PTPRU: variants seen among roughly 807,000 people sequenced by gnomAD.
PTPRU encodes receptor-type tyrosine-protein phosphatase U.
Under a neutral mutation model 166.3 loss-of-function variants are expected in PTPRU, and 69 were observed. That is an observed-to-expected ratio of 0.41 (90% CI 0.34 to 0.51). The LOEUF (loss-of-function observed/expected upper bound fraction) is 0.51, where lower values mean the gene tolerates loss of function less well. PTPRU is among the 20% of genes least tolerant of loss of function. The pLI, the probability that PTPRU is intolerant of heterozygous loss-of-function variation, is 0.09. For synonymous variants in PTPRU, 793 were observed against 814.0 expected (o/e 0.97, Z 0.44); for missense variants, 1,657 against 2,013.7 (o/e 0.82, Z 3.39).
intron 7 of PTPRU, among the ~76,000 whole-genome samples, chr1:29,264,653 G>A (rs1442921895): frequency 2.0e-5 from 3 of 151,868 alleles, no homozygotes; most frequent in Non-Finnish European, 2.9e-5. Flanking sequence ...TTACAGGCGC[G>A]TGCCACCATG....
At chr1:29,308,906 G>T (rs1489598655) in intron 18 of PTPRU, among the ~76,000 whole-genome samples, 5 of 152,120 alleles carry the variant, frequency 3.3e-5, no homozygotes, top group African/African-American at 7.2e-5. Flanking sequence ...GCCTGTGCCT[G>T]TAGTCCCAGC....
chr1:29,314,091 C>T (rs112750272), intron 22 of PTPRU, among the ~76,000 whole-genome samples: 20 of 152,298 alleles, frequency 1.3e-4, no homozygotes, highest in South Asian at 4.1e-4. Flanking sequence ...TTGTGAGGCT[C>T]GTCCACAGTG....
At chr1:29,240,210 C>G (rs1233211482) in intron 1 of PTPRU, among the ~76,000 whole-genome samples, 2 of 152,024 alleles carry the variant, frequency 1.3e-5, no homozygotes, top group Non-Finnish European at 2.9e-5. Context: ...TCGGTGATGC[C>G]CTGTCCTAGC....
At chr1:29,255,483 G>T in intron 2 of PTPRU, 77 bp downstream of exon 2, 1 of 1,577,524 alleles carries the variant, frequency 6.3e-7, no homozygotes. Context: ...TGTGACCTTG[G>T]GCACATTACT....
At chr1:29,246,904 C>T (rs910803957) in intron 1 of PTPRU, among the ~76,000 whole-genome samples, 11 of 152,300 alleles carry the variant, frequency 7.2e-5, no homozygotes, top group African/African-American at 2.4e-4. Flanking sequence ...GCATGAGCTA[C>T]TGCGCCCAGC....
Position 29,258,651 on chromosome 1 carries a change from G to A in PTPRU, c.352G>A (p.Gly118Ser), listed in dbSNP as rs773666732. The A allele has an allele frequency of 1.2e-6, 2 of 1,614,240 alleles. No individual in the cohort carries two copies. Among genetic ancestry groups the A allele is most frequent in the South Asian group, 2.2e-5 (2 of 91,088 alleles). The change falls in exon 3 of 30, where the codon GGC (glycine) becomes AGC (serine). Residue 118 changes from glycine (G) to serine (S), a missense_variant. Coordinates refer to ENST00000373779, the MANE Select transcript of PTPRU (RefSeq NM_133178.4). The part of the protein sequence containing the change: ...SRDGHSPGTL[G>S]VYVRVNGGPL... ...GGACGGGCACAGCCCGGGCACCCTG[G>A]GCGTCTACGTGCGCGTTAATGGGGG...
Position 29,317,846 on chromosome 1 carries a change from G to A in PTPRU, c.3612G>A (p.Pro1204=), listed in dbSNP as rs377688027. Residue 1204 remains proline (P), a synonymous_variant, in exon 25 of 30, where the codon CCG becomes CCA. Coordinates refer to ENST00000373779, the MANE Select transcript of PTPRU (RefSeq NM_133178.4). The surrounding 1 kb of genome is among the most constrained non-coding windows in gnomAD (Gnocchi z 5.6). ...RDKNRSMDVL[P]PDRCLPFLIS... ...AGAACCGCAGCATGGACGTCCTGCC[G>A]CCCGACCGCTGCCTGCCCTTCCTCA... 18 of 1,613,700 alleles carry A rather than the reference G, an allele frequency of 1.1e-5. No homozygotes were observed. The highest frequency in any genetic ancestry group is 6.7e-5 in the East Asian group (3 of 44,884).
chr1:29,316,042 G>C lies in PTPRU; in HGVS notation c.3404G>C (p.Cys1135Ser), dbSNP rs374856481. 70 of 1,613,962 alleles carry C rather than the reference G, an allele frequency of 4.3e-5. No homozygotes were observed. Among genetic ancestry groups the C allele is most frequent in the Non-Finnish European group, 5.4e-5 (64 of 1,179,934 alleles). The change falls in exon 24 of 30, where the codon TGC (cysteine) becomes TCC (serine). Residue 1135 changes from cysteine (C) to serine (S), a missense_variant. This residue lies in a region of PTPRU where 1,190 missense variants were observed against 1,477.4 expected (regional missense o/e 0.81). Transcript: ENST00000373779. ...IFIHDAILEA[C>S]LCGETTIPVS... ...ATTCATGATGCAATCCTGGAGGCCTGCCTGTGTGGGGAGACCACCATCCCT... is the reference window on the plus strand; with the variant it reads ...ATTCATGATGCAATCCTGGAGGCCTCCCTGTGTGGGGAGACCACCATCCCT...
At position 29,279,265 on chromosome 1, in the gene PTPRU, T is replaced by G. The variant is rs1685951975; in HGVS notation, c.1563+144T>G. 1 of 1,000,802 alleles carries G rather than the reference T, an allele frequency of 1.0e-6. No individual in the cohort carries two copies. The highest frequency in any genetic ancestry group is 1.5e-6 in the Non-Finnish European group (1 of 670,530). 62.0% of individuals were successfully genotyped at this position (1,000,802 alleles called of 1,614,324 possible). A position where few individuals can be genotyped will look rare whatever the true frequency, so the allele number is the denominator to read the frequency against. On this transcript the variant is annotated intron_variant, in intron 9 of 29. Transcript: ENST00000373779. This position sits in a 1 kb window ranked among gnomAD's most constrained non-coding sequence, Gnocchi z 5.2. Reference sequence around the variant, plus strand: ...TTCAACTATGGCCAGGTCTGTGCCCTGTGTATTCTAGAGGAGGGTCCTGAA... The same window carrying G: ...TTCAACTATGGCCAGGTCTGTGCCCGGTGTATTCTAGAGGAGGGTCCTGAA...
chr1:29,322,038 A>G (rs1464417740), intron 26 of PTPRU, among the ~76,000 whole-genome samples: 1 of 152,262 alleles, frequency 6.6e-6, no homozygotes, highest in Admixed American at 6.5e-5. Context: ...TGAGTACAAC[A>G]GCTTCTTAAT....
chr1:29,307,026 A>G (rs757319653), intron 18 of PTPRU: 25 of 1,332,382 alleles, frequency 1.9e-5, no homozygotes, highest in Non-Finnish European at 2.6e-5. Flanking sequence ...CCCTGCTCAC[A>G]TCGCCCATTC....
rs373957592 is a variant in PTPRU at position 29,320,842 on chromosome 1, C to T, written c.3828+17C>T. 1.5e-4 allele frequency: 230 copies of T among 1,547,612 alleles called. No homozygotes were observed. The highest frequency in any genetic ancestry group is 1.9e-4 in the Non-Finnish European group (216 of 1,138,608). ...TCCGCCTGGGTGAGGCCTCCACTGG[C>T]CAGGCCAATGGGCCGCCTGCTCCCA... On this transcript the variant is annotated intron_variant, in intron 26 of 29. Transcript: ENST00000373779. The surrounding 1 kb of genome is among the most constrained non-coding windows in gnomAD (Gnocchi z 5.2).
chr1:29,273,357 C>G (rs1057114516), intron 7 of PTPRU, among the ~76,000 whole-genome samples: 4 of 152,172 alleles, frequency 2.6e-5, no homozygotes, highest in African/African-American at 7.2e-5. Flanking sequence ...CAGCCTCAAC[C>G]TCCCAGGTTT....
Position 29,260,770 on chromosome 1 carries a change from C to T in PTPRU, c.1011C>T (p.Val337=). 1 of 1,613,472 alleles carries T rather than the reference C, an allele frequency of 6.2e-7. No homozygotes were observed. The highest frequency in any genetic ancestry group is 8.5e-7 in the Non-Finnish European group (1 of 1,179,732). ...ARGPWAEVHA[V]SLQTYKLWHL... ...GGCCCTGGGCTGAGGTGCACGCCGT[C>T]AGCCTGCAGACCTACAAGCTGTGGC... is the stretch of plus-strand genomic sequence containing the variant. The change falls in exon 7 of 30, where the codon GTC becomes GTT. Residue 337 remains valine (V), a synonymous_variant. Transcript: ENST00000373779. The surrounding 1 kb of genome is among the most constrained non-coding windows in gnomAD (Gnocchi z 8.3).
chr1:29,266,789 G>A (rs965632051), intron 7 of PTPRU, among the ~76,000 whole-genome samples: 6 of 152,074 alleles, frequency 3.9e-5, no homozygotes, highest in African/African-American at 1.4e-4. Context: ...AGTTCTTCCT[G>A]GAACTCACAT....
At chr1:29,245,512 T>TG (rs1684255984) in intron 1 of PTPRU, among the ~76,000 whole-genome samples, 1 of 152,196 alleles carries the variant, frequency 6.6e-6, no homozygotes, top group African/African-American at 2.4e-5. Flanking sequence ...GGATGTGCAC[T>TG]GTCTGGGATT....
At chr1:29,300,534 G>A (rs892037118) in intron 15 of PTPRU, among the ~76,000 whole-genome samples, 2 of 151,960 alleles carry the variant, frequency 1.3e-5, no homozygotes, top group Admixed American at 1.3e-4. Context: ...AAACACTTTG[G>A]CAACCACCAA....
chr1:29,249,035 C>T (rs1043512398), intron 1 of PTPRU, among the ~76,000 whole-genome samples: 35 of 152,196 alleles, frequency 2.3e-4, no homozygotes, highest in Admixed American at 2.2e-3. Context: ...AGTCACCTGC[C>T]CAAAGTCACA....
intron 15 of PTPRU, among the ~76,000 whole-genome samples, chr1:29,300,805 A>G (rs1015986285): frequency 2.6e-5 from 4 of 152,224 alleles, no homozygotes; most frequent in African/African-American, 4.8e-5. Context: ...CCCAAGCACA[A>G]TGGGGCAGCC....
Sources: allele counts gnomAD v4.1 joint callset (sites outside exome capture counted in the v4.1 genomes callset), GRCh38; gene constraint gnomAD v4.1.1; regional missense constraint gnomAD v4.1.1; non-coding constraint Gnocchi (gnomAD v3.1); transcripts MANE v1.5; gene names NCBI Gene and HGNC (gene_info 2026-07-23, HGNC 2026-07-21).